SYN3: variants seen among roughly 807,000 people sequenced by gnomAD.
SYN3 encodes synapsin III, also known as synapsin-3.
A neutral mutation model predicts 65.8 loss-of-function variants in SYN3; 35 were observed. The ratio of observed to expected loss-of-function variants is 0.53; its 90% CI spans 0.41 to 0.70. The LOEUF is 0.70. Among genes scored for constraint, SYN3 ranks in the 30% least tolerant of loss-of-function variants. The pLI, the probability that SYN3 is intolerant of heterozygous loss-of-function variation, is 0.00. For missense variants in SYN3, 680 were observed against 749.0 expected (o/e 0.91, Z 1.08); for synonymous variants, 270 against 292.9 (o/e 0.92, Z 0.80).
intron 7 of SYN3, among the ~76,000 whole-genome samples, chr22:32,545,575 T>C (rs994322810): frequency 1.3e-5 from 2 of 152,158 alleles, no homozygotes; most frequent in African/African-American, 4.8e-5. Flanking sequence ...CTCTTTTTTT[T>C]TGAGACAGTC....
intron 6 of SYN3, among the ~76,000 whole-genome samples, chr22:32,841,735 C>T (rs757357037): frequency 2.6e-5 from 4 of 152,020 alleles, no homozygotes; most frequent in Admixed American, 1.3e-4. Flanking sequence ...AATGCACACT[C>T]GGCTTAATAC....
intron 6 of SYN3, among the ~76,000 whole-genome samples, chr22:32,797,074 G>T (rs925634127): frequency 1.3e-5 from 2 of 152,102 alleles, no homozygotes; most frequent in African/African-American, 4.8e-5. Context: ...GCACCCCACC[G>T]ATGAGTGTGG....
chr22:32,903,541 ATT>A (rs1348048200), intron 4 of SYN3, among the ~76,000 whole-genome samples: 1 of 152,170 alleles, frequency 6.6e-6, no homozygotes, highest in Non-Finnish European at 1.5e-5. Context: ...TGGGAAAAGA[ATT>A]GAGCTCTCCA....
intron 6 of SYN3, among the ~76,000 whole-genome samples, chr22:32,710,098 C>CAT (rs1555931601): frequency 3.9e-5 from 5 of 129,620 alleles, no homozygotes; most frequent in African/African-American, 1.4e-4. Flanking sequence ...CACACACACA[C>CAT]ATGTGTGTGT....
intron 6 of SYN3, among the ~76,000 whole-genome samples, chr22:32,732,805 T>G (rs2061287515): frequency 6.6e-6 from 1 of 152,218 alleles, no homozygotes; most frequent in African/African-American, 2.4e-5. Flanking sequence ...GGAAACCATA[T>G]TTACTGACCA....
chr22:32,925,921 T>C (rs1230120292), intron 4 of SYN3, among the ~76,000 whole-genome samples: 1 of 145,990 alleles, frequency 6.8e-6, no homozygotes, highest in Non-Finnish European at 1.5e-5. Context: ...CTCACTGCAG[T>C]GGCTCACTGC....
chr22:32,707,935 G>A (rs999154314), intron 6 of SYN3, among the ~76,000 whole-genome samples: 1 of 152,192 alleles, frequency 6.6e-6, no homozygotes, highest in Admixed American at 6.5e-5. Flanking sequence ...AGAATTCAGA[G>A]GGAATTTTTG....
chr22:32,961,835 C>T (rs990988165), intron 3 of SYN3, among the ~76,000 whole-genome samples: 1 of 152,168 alleles, frequency 6.6e-6, no homozygotes, highest in Non-Finnish European at 1.5e-5. Context: ...TAAAACAGAC[C>T]AAATTCTCAA....
chr22:32,717,318 C>A (rs1190236654), intron 6 of SYN3, among the ~76,000 whole-genome samples: 2 of 152,176 alleles, frequency 1.3e-5, no homozygotes, highest in East Asian at 3.9e-4. Context: ...TCCCTTGAGT[C>A]TCCTGGGTAG....
chr22:32,531,324 T>A (rs1211752092), intron 10 of SYN3, among the ~76,000 whole-genome samples: 2 of 151,944 alleles, frequency 1.3e-5, no homozygotes, highest in East Asian at 3.9e-4. Flanking sequence ...GCCGCGAAGG[T>A]ACACAGGCTT....
At position 32,800,454 on chromosome 22, in the gene SYN3, A is replaced by C. The variant is rs572522983; in HGVS notation, c.711+64461T>G. ...CTTTCTGTGCCGGTTCCTCATCTGG[A>C]AAGTGGGAGTGATACTTGTGCTTGC... On this transcript the variant is annotated intron_variant, in intron 6 of 13. Transcript: ENST00000358763. Among the ~76,000 whole-genome samples the C allele has an allele frequency of 7.9e-5, 12 of 152,288 alleles. No homozygotes were observed. In the East Asian group the frequency reaches 2.3e-3, roughly 29 times the overall value.
rs375424775 is a variant in SYN3, at chr22:32,529,058, C to T, written c.1096-50G>A. On this transcript the variant is annotated intron_variant, in intron 10 of 13. Transcript: ENST00000358763. ...GGGACCCCCATGCCAGGAGAGATGG[C>T]GGTTGGGCATCACATCCCAGAAGTG... The T allele has an allele frequency of 5.2e-5, 84 of 1,610,352 alleles. No homozygotes were observed. The East Asian group carries it at 1.2e-3, about 24-fold the overall frequency.
chr22:32,847,013 A>G (rs79833680), intron 6 of SYN3, among the ~76,000 whole-genome samples: 1,955 of 152,306 alleles, frequency 0.013, 23 homozygotes, highest in Non-Finnish European at 0.023. Flanking sequence ...TTCTGTCTAA[A>G]TCAAGTCAAG....
chr22:32,509,737 T>A lies in SYN3; in HGVS notation c.*3955A>T, dbSNP rs2057671514. Among the ~76,000 whole-genome samples the A allele has an allele frequency of 1.3e-5, 2 of 151,850 alleles. No individual in the cohort carries two copies. Among genetic ancestry groups the A allele is most frequent in the Non-Finnish European group, 2.9e-5 (2 of 67,984 alleles). On this transcript the variant is annotated 3_prime_UTR_variant, in exon 14 of 14. Coordinates refer to ENST00000358763, the MANE Select transcript of SYN3 (RefSeq NM_003490.4). ...GCGCCCGCTACCACGCCCGGCTAAT[T>A]TTTTATATTTTTAGTAGAGATGGGG...
At chr22:32,665,977 A>G (rs1322695052) in intron 6 of SYN3, among the ~76,000 whole-genome samples, 1 of 152,082 alleles carries the variant, frequency 6.6e-6, no homozygotes, top group African/African-American at 2.4e-5. Context: ...TGAGCCCTTG[A>G]ATCTCTCCCC....
At chr22:32,953,359 G>A (rs1170136696) in intron 3 of SYN3, among the ~76,000 whole-genome samples, 3 of 152,210 alleles carry the variant, frequency 2.0e-5, no homozygotes, top group Middle Eastern at 6.8e-3. Flanking sequence ...ATATTCTAGT[G>A]CAGACCATTA....
chr22:32,745,019 A>G (rs1286606757), intron 6 of SYN3, among the ~76,000 whole-genome samples: 2 of 152,142 alleles, frequency 1.3e-5, no homozygotes, highest in Non-Finnish European at 2.9e-5. Flanking sequence ...ATTTATCAAA[A>G]TGTTAGGATG....
At chr22:33,029,998 C>T (rs2053720421) in intron 1 of SYN3, among the ~76,000 whole-genome samples, 1 of 152,180 alleles carries the variant, frequency 6.6e-6, no homozygotes, top group Non-Finnish European at 1.5e-5. Flanking sequence ...GTTTTTGACT[C>T]ATCCTCACTC....
chr22:32,918,547 G>A (rs929823257), intron 4 of SYN3, among the ~76,000 whole-genome samples: 1 of 152,160 alleles, frequency 6.6e-6, no homozygotes, highest in Non-Finnish European at 1.5e-5. Flanking sequence ...ATATGTCTCT[G>A]TATTAGCGAT....
Sources: gnomAD v4.1 joint callset for allele counts (sites outside exome capture counted in the v4.1 genomes callset) on GRCh38, gnomAD v4.1.1 for gene constraint, MANE v1.5 for transcripts, NCBI Gene and HGNC (gene_info 2026-07-23, HGNC 2026-07-21) for gene names.